The following CSMD1 variants were observed in gnomAD, a reference collection of about 807,000 sequenced individuals.
The protein encoded by CSMD1 is CUB and Sushi multiple domains 1.
CSMD1 carries 213 observed loss-of-function variants against 417.5 expected under a neutral mutation model. The ratio of observed to expected loss-of-function variants is 0.51; its 90% CI spans 0.46 to 0.57. CSMD1 has a LOEUF of 0.57. Among genes scored for constraint, CSMD1 ranks in the 20% least tolerant of loss-of-function variants. CSMD1 has a pLI of 0.00. For missense variants in CSMD1, 6,923 were observed against 4,529.7 expected, an observed-to-expected ratio of 1.53 and a Z score of -15.17; for synonymous variants, 2,862 against 1,736.8, an observed-to-expected ratio of 1.65 and a Z score of -16.11.
At chr8:3,746,024 A>G (rs1225956954) in intron 6 of CSMD1, among the ~76,000 whole-genome samples, 1 of 152,200 alleles carries the variant, frequency 6.6e-6, no homozygotes, top group Non-Finnish European at 1.5e-5. Flanking sequence ...AGACACAATC[A>G]TGCTTACCGT....
At chr8:4,456,483 G>A (rs7844844) in intron 2 of CSMD1, among the ~76,000 whole-genome samples, 49,059 of 152,078 alleles carry the variant, frequency 0.32, 8,845 homozygotes, top group Non-Finnish European at 0.4. Flanking sequence ...ACAGGGAATA[G>A]TCTTTGGAAA....
chr8:3,870,523 G>A (rs574593414), intron 5 of CSMD1, among the ~76,000 whole-genome samples: 7 of 152,156 alleles, frequency 4.6e-5, no homozygotes, highest in African/African-American at 1.2e-4. Context: ...CCGTTTGAGA[G>A]CTATGGTCAA....
chr8:3,162,454 T>C (rs1819959096), intron 37 of CSMD1, among the ~76,000 whole-genome samples, 177 bp from the exon 38 acceptor site: 2 of 152,296 alleles, frequency 1.3e-5, no homozygotes, highest in South Asian at 4.1e-4. Flanking sequence ...GAGCTATGAG[T>C]TAATTGTTAA....
chr8:3,360,515 C>T (rs1809091735), intron 20 of CSMD1, among the ~76,000 whole-genome samples: 1 of 152,130 alleles, frequency 6.6e-6, no homozygotes, highest in Non-Finnish European at 1.5e-5. Context: ...GTCTGTAATG[C>T]CCAGTTTTGT....
At chr8:3,739,215 C>G (rs954815760) in intron 6 of CSMD1, among the ~76,000 whole-genome samples, 1 of 152,180 alleles carries the variant, frequency 6.6e-6, no homozygotes, top group Non-Finnish European at 1.5e-5. Flanking sequence ...CCACTCCTGT[C>G]CTCAAACTTT....
At chr8:3,693,929 TG>T (rs1476721995) in intron 7 of CSMD1, among the ~76,000 whole-genome samples, 1 of 151,186 alleles carries the variant, frequency 6.6e-6, no homozygotes, top group African/African-American at 2.4e-5. Flanking sequence ...GTGTTTGTTA[TG>T]GTGTGTGCGT....
chr8:4,214,505 C>A (rs1469961084), intron 3 of CSMD1, among the ~76,000 whole-genome samples: 1 of 152,142 alleles, frequency 6.6e-6, no homozygotes, highest in Non-Finnish European at 1.5e-5. Context: ...CCTCTGTTGC[C>A]CAGGTTGGTC....
rs142445059 is a variant in CSMD1, at chr8:3,680,426, A to G, written c.1009+27988T>C. Reference sequence around the variant, plus strand: ...ATTAACACCTCTACGCAAATGAACTAGAAAATCTACAAGAAACAGAGAAAT... The same window carrying G: ...ATTAACACCTCTACGCAAATGAACTGGAAAATCTACAAGAAACAGAGAAAT... On this transcript the variant is annotated intron_variant, in intron 7 of 69. Transcript: ENST00000635120. 4.6e-3 allele frequency among the ~76,000 whole-genome samples: 700 copies of G among 152,362 alleles called. 3 individuals are homozygous for G. The highest frequency in any genetic ancestry group is 7.0e-3 in the Non-Finnish European group (477 of 68,028).
chr8:3,214,986 T>C (rs529442918), intron 29 of CSMD1, among the ~76,000 whole-genome samples: 35 of 152,234 alleles, frequency 2.3e-4, no homozygotes, highest in Non-Finnish European at 4.6e-4. Flanking sequence ...ACTACGTTTT[T>C]ATATATTTAT....
chr8:4,637,458 G>A lies in CSMD1; in HGVS notation c.186C>T (p.Ile62=), dbSNP rs36074048. The A allele has an allele frequency of 5.6e-6, 9 of 1,613,820 alleles. No homozygotes were observed. The East Asian group carries it at 1.1e-4, about 20-fold the overall frequency. The change falls in exon 2 of 70, where the codon ATC becomes ATT. Residue 62 remains isoleucine (I), a synonymous_variant. Transcript: ENST00000635120. The stretch of plus-strand genomic sequence containing the variant: ...GTATCCTATTGCGCTCGCCCGTGAT[G>A]ATGATCCAGGTGCAGTTGGCATAGT... ...YPNYANCTWI[I]ITGERNRIQL... is the part of the protein sequence containing the mutation.
intron 2 of CSMD1, among the ~76,000 whole-genome samples, chr8:4,608,109 C>A (rs1248248824): frequency 6.6e-6 from 1 of 152,088 alleles, no homozygotes; most frequent in Non-Finnish European, 1.5e-5. Context: ...AACAAGGTGA[C>A]CAGTGTCCCT....
intron 7 of CSMD1, among the ~76,000 whole-genome samples, chr8:3,671,524 TG>T (rs1483758230): frequency 2.5e-4 from 3 of 12,228 alleles, no homozygotes; most frequent in Non-Finnish European, 4.3e-4. Context: ...ATCATATATA[TG>T]ATCATATATA....
At chr8:4,653,493 TACAG>T (rs1295363815) in intron 1 of CSMD1, among the ~76,000 whole-genome samples, 1 of 152,142 alleles carries the variant, frequency 6.6e-6, no homozygotes, top group African/African-American at 2.4e-5. Flanking sequence ...AGGAAAGACT[TACAG>T]ACACCAGACT....
intron 1 of CSMD1, among the ~76,000 whole-genome samples, chr8:4,813,535 T>C (rs17071501): frequency 0.066 from 10,108 of 152,214 alleles, 563 homozygotes; most frequent in East Asian, 0.24. Flanking sequence ...CAAACACCAG[T>C]GAATGTGTTA....
chr8:4,786,338 A>G (rs562094316), intron 1 of CSMD1, among the ~76,000 whole-genome samples: 24 of 152,240 alleles, frequency 1.6e-4, no homozygotes, highest in Non-Finnish European at 3.2e-4. Flanking sequence ...GAATTTGGGT[A>G]TAATATTTTA....
chr8:4,176,219 G>A (rs1263123354), intron 3 of CSMD1, among the ~76,000 whole-genome samples: 2 of 151,926 alleles, frequency 1.3e-5, no homozygotes, highest in African/African-American at 2.4e-5. Flanking sequence ...GGCTCTGTAG[G>A]CTATATAGCT....
At chr8:3,093,570 A>G (rs1255939014) in intron 47 of CSMD1, among the ~76,000 whole-genome samples, 1 of 152,092 alleles carries the variant, frequency 6.6e-6, no homozygotes, top group Non-Finnish European at 1.5e-5. Flanking sequence ...CAGGAGGCTG[A>G]GGCAGGAAAA....
At chr8:4,862,543 G>T (rs941151716) in intron 1 of CSMD1, among the ~76,000 whole-genome samples, 7 of 151,992 alleles carry the variant, frequency 4.6e-5, no homozygotes, top group African/African-American at 1.7e-4. Context: ...AGTGGAGGTG[G>T]TAAGAAGAGA....
chr8:3,689,677 T>G (rs1800132671), intron 7 of CSMD1, among the ~76,000 whole-genome samples: 1 of 152,098 alleles, frequency 6.6e-6, no homozygotes, highest in Non-Finnish European at 1.5e-5. Context: ...TCATCTCCTT[T>G]AATCCTCACG....
Sources: allele counts gnomAD v4.1 joint callset (sites outside exome capture counted in the v4.1 genomes callset), GRCh38; gene constraint gnomAD v4.1.1; transcripts MANE v1.5; gene names NCBI Gene and HGNC (gene_info 2026-07-23, HGNC 2026-07-21).